Variants in GABRB3 observed in about 807,000 individuals in gnomAD.
GABRB3 encodes gamma-aminobutyric acid receptor subunit beta-3.
GABRB3 carries 14 observed loss-of-function variants against 52.1 expected under a neutral mutation model. The observed-to-expected ratio is 0.27, with a 90% CI of 0.18 to 0.42. The LOEUF is 0.42. Ranked by LOEUF, GABRB3 falls within the 10% of genes least tolerant of loss-of-function variation. The pLI is 1.00. For synonymous variants in GABRB3, 260 were observed against 232.3 expected (o/e 1.12, Z -1.08); for missense variants, 307 against 609.1 (o/e 0.50, Z 5.22).
chr15:26,588,700 A>G, intron 4 of GABRB3, among the ~76,000 whole-genome samples: 1 of 152,342 alleles, frequency 6.6e-6, no homozygotes, highest in Non-Finnish European at 1.5e-5. Context: ...TATTATAGGC[A>G]TATATATACA....
chr15:26,709,649 C>G (rs933333073), intron 3 of GABRB3, among the ~76,000 whole-genome samples: 2 of 150,126 alleles, frequency 1.3e-5, no homozygotes. Context: ...TCCCGAGTAG[C>G]TGGGACTCCA....
chr15:26,769,945 G>C (rs960398734), intron 3 of GABRB3, among the ~76,000 whole-genome samples: 1 of 149,178 alleles, frequency 6.7e-6, no homozygotes, highest in Admixed American at 6.8e-5. Flanking sequence ...GACCAGTAAG[G>C]TGATTAATAA....
chr15:26,652,532 G>A (rs1368053073), intron 3 of GABRB3, among the ~76,000 whole-genome samples: 1 of 151,690 alleles, frequency 6.6e-6, no homozygotes, highest in African/African-American at 2.4e-5. Flanking sequence ...AAACAGTTGG[G>A]GCCATAATTC....
chr15:26,646,799 T>C (rs1234563185), intron 3 of GABRB3, among the ~76,000 whole-genome samples: 2 of 152,198 alleles, frequency 1.3e-5, no homozygotes, highest in Non-Finnish European at 2.9e-5. Flanking sequence ...TAGCGACTAA[T>C]GATGTTAACT....
intron 6 of GABRB3, among the ~76,000 whole-genome samples, chr15:26,568,684 G>GGGTTTTTTTTTT (rs1555402038): frequency 1.8e-4 from 24 of 133,718 alleles, no homozygotes; most frequent in East Asian, 1.5e-3. Context: ...TTTTTTTTTG[G>GGGTTTTTTTTTT]TTTTGTATGT....
intron 3 of GABRB3, among the ~76,000 whole-genome samples, chr15:26,758,386 T>C (rs1890720175): frequency 1.4e-5 from 2 of 147,524 alleles, no homozygotes; most frequent in African/African-American, 4.8e-5. Flanking sequence ...CTGAAGGATG[T>C]TGGAGAAGAG....
chr15:26,664,576 A>C (rs995523529), intron 3 of GABRB3, among the ~76,000 whole-genome samples: 3 of 151,690 alleles, frequency 2.0e-5, no homozygotes, highest in Admixed American at 6.6e-5. Context: ...TATTATGGGT[A>C]CCTCATAGTT....
Position 26,554,165 on chromosome 15 carries a change from A to T in GABRB3, c.1081-6031T>A, listed in dbSNP as rs1229746939. ...TAAAGTATATATATATATAAAGTAT[A>T]TATATATAAAGTATATATATATATA... is the stretch of plus-strand genomic sequence containing the variant. On this transcript the variant is annotated intron_variant, in intron 8 of 8. Transcript: ENST00000311550. Among the ~76,000 whole-genome samples, 119 of 31,864 alleles carry T rather than the reference A, an allele frequency of 3.7e-3. 1 individual carries two copies. Among genetic ancestry groups the T allele is most frequent in the South Asian group, 6.8e-3 (4 of 584 alleles). The allele number at this position is 31,864 out of a possible 152,430, so 20.9% of individuals were successfully genotyped here. A position where few individuals can be genotyped will look rare whatever the true frequency, so the allele number is the denominator to read the frequency against.
chr15:26,590,105 T>C (rs1891139603), intron 4 of GABRB3: 1 of 152,282 alleles, frequency 6.6e-6, no homozygotes, highest in South Asian at 2.1e-4. Flanking sequence ...TGAATCTTTA[T>C]GTTGCAGAAT....
chr15:26,607,999 T>C (rs191559290), intron 4 of GABRB3, among the ~76,000 whole-genome samples: 67 of 150,520 alleles, frequency 4.5e-4, no homozygotes, highest in African/African-American at 1.5e-3. Context: ...AAACCCAAAA[T>C]AGCTAAAGCA....
chr15:26,719,402 T>C (rs2140139947), intron 3 of GABRB3, among the ~76,000 whole-genome samples: 1 of 152,360 alleles, frequency 6.6e-6, no homozygotes, highest in African/African-American at 2.4e-5. Context: ...AAATCAGGCA[T>C]AAAATCATTA....
At chr15:26,764,185 T>A (rs1201998053) in intron 3 of GABRB3, among the ~76,000 whole-genome samples, 26 of 4,280 alleles carry the variant, frequency 6.1e-3, no homozygotes, top group African/African-American at 0.023. Context: ...AAAAAATATA[T>A]ATATATATAT....
intron 3 of GABRB3, among the ~76,000 whole-genome samples, chr15:26,769,970 T>A (rs994685197): frequency 2.5e-4 from 11 of 43,416 alleles, no homozygotes; most frequent in African/African-American, 8.9e-4. Context: ...CATGAATAGA[T>A]TTTACTGTTC....
At chr15:26,664,651 C>T (rs1004778431) in intron 3 of GABRB3, among the ~76,000 whole-genome samples, 16 of 149,594 alleles carry the variant, frequency 1.1e-4, no homozygotes, top group Admixed American at 7.3e-4. Context: ...GATCAAACCA[C>T]GGTAATGGGG....
At chr15:26,708,802 G>T (rs143343875) in intron 3 of GABRB3, among the ~76,000 whole-genome samples, 120 of 152,294 alleles carry the variant, frequency 7.9e-4, no homozygotes, top group Middle Eastern at 6.8e-3. Flanking sequence ...TGTGACCTTA[G>T]GCAAGGTATA....
chr15:26,669,773 C>T (rs1887830403), intron 3 of GABRB3, among the ~76,000 whole-genome samples: 1 of 152,176 alleles, frequency 6.6e-6, no homozygotes, highest in Admixed American at 6.5e-5. Context: ...CCTTTTCCTT[C>T]CATCTTCTAC....
intron 3 of GABRB3, among the ~76,000 whole-genome samples, chr15:26,702,610 A>C (rs1356380493): frequency 3.3e-5 from 5 of 152,228 alleles, no homozygotes; most frequent in Non-Finnish European, 7.3e-5. Context: ...TGCTGATGAG[A>C]ACATAAAATG....
intron 3 of GABRB3, among the ~76,000 whole-genome samples, chr15:26,629,984 A>C (rs1892868649): frequency 6.6e-6 from 1 of 151,924 alleles, no homozygotes; most frequent in Non-Finnish European, 1.5e-5. Context: ...CAGTACTTAG[A>C]AGGCTGTAGG....
chr15:26,651,057 C>T (rs982108517), intron 3 of GABRB3, among the ~76,000 whole-genome samples: 1 of 152,198 alleles, frequency 6.6e-6, no homozygotes, highest in African/African-American at 2.4e-5. Flanking sequence ...GTATGGGTAC[C>T]CAAAAAGGCT....
Sources: allele counts gnomAD v4.1 joint callset (sites outside exome capture counted in the v4.1 genomes callset), GRCh38; gene constraint gnomAD v4.1.1; transcripts MANE v1.5; gene names NCBI Gene and HGNC (gene_info 2026-07-23, HGNC 2026-07-21).